The following SCFD2 variants were observed in gnomAD, a reference collection of about 807,000 sequenced individuals.
The protein encoded by SCFD2 is sec1 family domain-containing protein 2.
In SCFD2, 54 loss-of-function variants were observed where a neutral mutation model predicts 58.9. That is an observed-to-expected ratio of 0.92 (90% CI 0.74 to 1.15). The LOEUF (loss-of-function observed/expected upper bound fraction) is 1.15. SCFD2 is among the 50% of genes most tolerant of loss of function. The probability of loss-of-function intolerance (pLI) is 0.00; values close to 1 mark genes in which losing one functional copy is unlikely to be tolerated. For synonymous variants in SCFD2, 321 were observed against 335.9 expected, an observed-to-expected ratio of 0.96 and a Z score of 0.49; for missense variants, 805 against 836.6, an observed-to-expected ratio of 0.96 and a Z score of 0.47.
At chr4:53,138,277 T>C (rs1577764934) in intron 5 of SCFD2, among the ~76,000 whole-genome samples, 1 of 152,236 alleles carries the variant, frequency 6.6e-6, no homozygotes, top group Non-Finnish European at 1.5e-5. Flanking sequence ...TAACACTCAC[T>C]GCTGAAAGAC....
At chr4:53,068,461 G>A (rs1577701445) in intron 5 of SCFD2, among the ~76,000 whole-genome samples, 1 of 152,040 alleles carries the variant, frequency 6.6e-6, no homozygotes, top group Non-Finnish European at 1.5e-5. Context: ...GAATAAGATA[G>A]AGAGGAAAAT....
intron 2 of SCFD2, among the ~76,000 whole-genome samples, chr4:53,331,217 A>C (rs1243167601): frequency 2.6e-5 from 4 of 151,538 alleles, no homozygotes; most frequent in Non-Finnish European, 5.9e-5. Flanking sequence ...GATACCCAGG[A>C]ATTGAACTCA....
chr4:53,314,243 C>T (rs1732788821), intron 2 of SCFD2, among the ~76,000 whole-genome samples: 1 of 152,214 alleles, frequency 6.6e-6, no homozygotes, highest in Non-Finnish European at 1.5e-5. Context: ...CAACAGACTT[C>T]CTAATTAGTA....
intron 4 of SCFD2, among the ~76,000 whole-genome samples, chr4:53,196,777 C>A (rs540907698): frequency 5.4e-4 from 76 of 141,950 alleles, no homozygotes; most frequent in African/African-American, 1.5e-3. Flanking sequence ...AACTTTTCAT[C>A]AAAAAAAAAA....
chr4:53,226,948 C>T (rs1222014810), intron 4 of SCFD2, among the ~76,000 whole-genome samples: 1 of 152,140 alleles, frequency 6.6e-6, no homozygotes, highest in Admixed American at 6.5e-5. Flanking sequence ...TTATTTACCC[C>T]GATCTAAAAA....
intron 4 of SCFD2, among the ~76,000 whole-genome samples, chr4:53,200,152 A>T (rs1226741929): frequency 5.9e-5 from 9 of 152,142 alleles, no homozygotes; most frequent in Non-Finnish European, 1.2e-4. Context: ...TTGGCAGAAC[A>T]CAATTCAGTC....
chr4:53,106,399 G>A (rs1162406329), intron 5 of SCFD2, among the ~76,000 whole-genome samples: 2 of 152,206 alleles, frequency 1.3e-5, no homozygotes, highest in African/African-American at 4.8e-5. Context: ...GTAGGCTTCA[G>A]AAGGTGGGTA....
intron 2 of SCFD2, among the ~76,000 whole-genome samples, chr4:53,350,495 C>G (rs1431631636): frequency 6.6e-6 from 1 of 152,110 alleles, no homozygotes; most frequent in Non-Finnish European, 1.5e-5. Flanking sequence ...TTTTAGCTAC[C>G]CAATACCCTT....
chr4:53,323,522 C>T (rs1177879223), intron 2 of SCFD2, among the ~76,000 whole-genome samples: 1 of 148,936 alleles, frequency 6.7e-6, no homozygotes, highest in South Asian at 2.2e-4. Flanking sequence ...TGCCACCATG[C>T]CCAGCTAATT....
At chr4:53,093,699 A>G (rs192006754) in intron 5 of SCFD2, among the ~76,000 whole-genome samples, 76 of 152,176 alleles carry the variant, frequency 5.0e-4, no homozygotes, top group Non-Finnish European at 1.0e-3. Context: ...GATATATATT[A>G]AATGAAAAAC....
intron 4 of SCFD2, among the ~76,000 whole-genome samples, chr4:53,238,384 C>T (rs1472737669): frequency 2.7e-4 from 35 of 128,962 alleles, no homozygotes; most frequent in African/African-American, 8.7e-4. Flanking sequence ...CCGGACAGGG[C>T]GGCTGGCCTG....
At chr4:53,342,565 C>A (rs1733915612) in intron 2 of SCFD2, among the ~76,000 whole-genome samples, 1 of 152,182 alleles carries the variant, frequency 6.6e-6, no homozygotes, top group Non-Finnish European at 1.5e-5. Flanking sequence ...AGAAAGTTAA[C>A]AAGGATATCC....
chr4:53,215,540 T>A (rs1025986172), intron 4 of SCFD2, among the ~76,000 whole-genome samples: 2 of 152,124 alleles, frequency 1.3e-5, no homozygotes, highest in Admixed American at 1.3e-4. Flanking sequence ...TGAAGGAGAT[T>A]TTGGGCTGAG....
intron 5 of SCFD2, among the ~76,000 whole-genome samples, chr4:53,062,135 C>T (rs1462205588): frequency 6.6e-6 from 1 of 151,504 alleles, no homozygotes; most frequent in Non-Finnish European, 1.5e-5. Context: ...AATTTGGGAG[C>T]CTGAGGTGGG....
chr4:53,192,058 T>A (rs1051862815), intron 4 of SCFD2, among the ~76,000 whole-genome samples: 1 of 152,218 alleles, frequency 6.6e-6, no homozygotes, highest in Admixed American at 6.5e-5. Flanking sequence ...AAAAAGAGTG[T>A]CTTGAAAATT....
intron 5 of SCFD2, among the ~76,000 whole-genome samples, chr4:52,976,241 G>T (rs1721258640): frequency 6.6e-6 from 1 of 152,142 alleles, no homozygotes; most frequent in African/African-American, 2.4e-5. Flanking sequence ...AAAAGAAAGT[G>T]ATAGGAGTAA....
At chr4:52,980,579 A>G (rs370525163) in intron 5 of SCFD2, among the ~76,000 whole-genome samples, 14 of 152,332 alleles carry the variant, frequency 9.2e-5, no homozygotes, top group African/African-American at 2.9e-4. Context: ...AATACGAGAC[A>G]TACAAAGTCC....
intron 4 of SCFD2, among the ~76,000 whole-genome samples, chr4:53,157,614 A>ATT (rs138898469): frequency 1.3e-5 from 2 of 151,906 alleles, no homozygotes; most frequent in African/African-American, 2.4e-5. Context: ...TGTCATCCTC[A>ATT]TTTTTTTTGT....
intron 3 of SCFD2, among the ~76,000 whole-genome samples, chr4:53,303,683 C>G (rs1732413020): frequency 6.6e-6 from 1 of 151,890 alleles, no homozygotes; most frequent in African/African-American, 2.4e-5. Context: ...TTCACAATAG[C>G]AAAGACTTGG....
Sources: gnomAD v4.1 joint callset for allele counts (sites outside exome capture counted in the v4.1 genomes callset) on GRCh38, gnomAD v4.1.1 for gene constraint, MANE v1.5 for transcripts, NCBI Gene and HGNC (gene_info 2026-07-23, HGNC 2026-07-21) for gene names.